The following GNA14 variants were observed in gnomAD, a reference collection of about 807,000 sequenced individuals.
GNA14 encodes the protein guanine nucleotide-binding protein subunit alpha-14.
GNA14 carries 50 observed loss-of-function variants against 42.0 expected under a neutral mutation model. The ratio of observed to expected loss-of-function variants is 1.19; its 90% CI spans 0.95 to 1.51. The LOEUF (loss-of-function observed/expected upper bound fraction) is 1.51. Ranked by LOEUF, GNA14 falls within the 40% of genes most tolerant of loss-of-function variation. The pLI, the probability that GNA14 is intolerant of heterozygous loss-of-function variation, is 0.00. For missense variants in GNA14, 473 were observed against 446.2 expected (o/e 1.06, Z -0.54); for synonymous variants, 173 against 163.1 (o/e 1.06, Z -0.46).
At chr9:77,536,064 C>A (rs1008817192) in intron 1 of GNA14, among the ~76,000 whole-genome samples, 7 of 152,080 alleles carry the variant, frequency 4.6e-5, no homozygotes, top group Admixed American at 2.6e-4. Context: ...ACCATCACAG[C>A]CAGGTCACTC....
chr9:77,436,782 G>A (rs1046033467), intron 2 of GNA14, among the ~76,000 whole-genome samples: 6 of 152,220 alleles, frequency 3.9e-5, no homozygotes, highest in African/African-American at 1.4e-4. Context: ...ACCTAGTGCA[G>A]TGCCTTCTAT....
At chr9:77,632,815 G>C (rs1016939385) in intron 1 of GNA14, among the ~76,000 whole-genome samples, 1 of 152,124 alleles carries the variant, frequency 6.6e-6, no homozygotes, top group Non-Finnish European at 1.5e-5. Context: ...CCCCATGCTC[G>C]CTCACACACC....
chr9:77,434,258 C>G (rs1467122532), intron 3 of GNA14, 110 bp downstream of exon 3: 1 of 984,576 alleles, frequency 1.0e-6, no homozygotes, highest in African/African-American at 1.6e-5. Context: ...AGGCAAGTAG[C>G]GCTGCCACTG....
chr9:77,425,198 G>A (rs1473693911), intron 6 of GNA14, among the ~76,000 whole-genome samples: 1 of 152,138 alleles, frequency 6.6e-6, no homozygotes, highest in Non-Finnish European at 1.5e-5. Flanking sequence ...AAGAGAGCAA[G>A]CAGGGGTTAG....
At chr9:77,638,075 A>G (rs139569083) in intron 1 of GNA14, among the ~76,000 whole-genome samples, 17 of 152,346 alleles carry the variant, frequency 1.1e-4, no homozygotes, top group African/African-American at 3.8e-4. Flanking sequence ...GTATATCAAC[A>G]TGTATTCATG....
At chr9:77,448,833 A>G (rs1227611948) in intron 2 of GNA14, among the ~76,000 whole-genome samples, 1 of 152,188 alleles carries the variant, frequency 6.6e-6, no homozygotes, top group Non-Finnish European at 1.5e-5. Flanking sequence ...GAGTGTGGAA[A>G]AGGAACTTTT....
intron 1 of GNA14, among the ~76,000 whole-genome samples, chr9:77,565,421 T>TATA (rs3052389): frequency 0.17 from 25,722 of 152,092 alleles, 3,423 homozygotes; most frequent in African/African-American, 0.37. Context: ...TCAAATAAAA[T>TATA]ATATTTAAAT....
chr9:77,563,407 G>A (rs952377549), intron 1 of GNA14, among the ~76,000 whole-genome samples: 5 of 152,098 alleles, frequency 3.3e-5, no homozygotes, highest in South Asian at 2.1e-4. Context: ...CAAAGCTTAG[G>A]AAAACACAGA....
intron 3 of GNA14, among the ~76,000 whole-genome samples, chr9:77,432,537 C>T (rs1210729798): frequency 6.6e-6 from 1 of 152,074 alleles, no homozygotes; most frequent in Admixed American, 6.6e-5. Flanking sequence ...ATCACAAGCA[C>T]TCATCACATT....
chr9:77,593,619 T>G (rs1269242665), intron 1 of GNA14, among the ~76,000 whole-genome samples: 1 of 152,202 alleles, frequency 6.6e-6, no homozygotes, highest in African/African-American at 2.4e-5. Flanking sequence ...TTTTGAAGGC[T>G]GAAGGAGATG....
At chr9:77,606,528 G>A (rs1823648151) in intron 1 of GNA14, among the ~76,000 whole-genome samples, 2 of 152,124 alleles carry the variant, frequency 1.3e-5, no homozygotes, top group Non-Finnish European at 2.9e-5. Context: ...GAAGTAAAAG[G>A]AATATAAAAA....
chr9:77,456,196 GT>G, intron 2 of GNA14: 1 of 151,648 alleles, frequency 6.6e-6, no homozygotes, highest in East Asian at 1.9e-4. Flanking sequence ...ATAAGAAGTA[GT>G]ACCAGAACAA....
chr9:77,452,284 T>A (rs1167299748), intron 2 of GNA14, among the ~76,000 whole-genome samples: 1 of 152,094 alleles, frequency 6.6e-6, no homozygotes, highest in Non-Finnish European at 1.5e-5. Context: ...ATATCTGCAC[T>A]CCAGATCTTG....
At chr9:77,511,538 G>A (rs1041496160) in intron 2 of GNA14, among the ~76,000 whole-genome samples, 4 of 152,210 alleles carry the variant, frequency 2.6e-5, no homozygotes, top group African/African-American at 7.2e-5. Flanking sequence ...TGTGTTTTTC[G>A]CATCTGAATG....
intron 2 of GNA14, among the ~76,000 whole-genome samples, chr9:77,499,388 TC>T (rs1487647727): frequency 6.7e-4 from 82 of 121,804 alleles, no homozygotes; most frequent in African/African-American, 2.7e-3. Flanking sequence ...ACAAATTGCT[TC>T]AAAAAAAAAA....
intron 2 of GNA14, among the ~76,000 whole-genome samples, chr9:77,475,435 G>A (rs945844485): frequency 6.6e-5 from 10 of 152,328 alleles, no homozygotes; most frequent in African/African-American, 2.4e-4. Flanking sequence ...CTGTCCTTGA[G>A]TAGTTATTGT....
intron 1 of GNA14, 87 bp from the exon 2 acceptor site, chr9:77,529,340 C>T: frequency 1.0e-6 from 1 of 998,732 alleles, no homozygotes; most frequent in Non-Finnish European, 1.6e-6. Context: ...CAGTATTAAT[C>T]CACATCCCAA....
chr9:77,531,315 T>C (rs1837525700), intron 1 of GNA14, among the ~76,000 whole-genome samples: 1 of 152,118 alleles, frequency 6.6e-6, no homozygotes, highest in Non-Finnish European at 1.5e-5. Flanking sequence ...AGACATGAAT[T>C]GAACAAGGAT....
At chr9:77,439,737 T>G (rs1835699906) in intron 2 of GNA14, among the ~76,000 whole-genome samples, 1 of 152,228 alleles carries the variant, frequency 6.6e-6, no homozygotes, top group Non-Finnish European at 1.5e-5. Context: ...GGTACTTTGA[T>G]GGGCCTGTTC....
Sources: allele counts gnomAD v4.1 joint callset (sites outside exome capture counted in the v4.1 genomes callset), GRCh38; gene constraint gnomAD v4.1.1; transcripts MANE v1.5; gene names NCBI Gene and HGNC (gene_info 2026-07-23, HGNC 2026-07-21).